The following ROBO1 variants were observed in gnomAD, a reference collection of about 807,000 sequenced individuals.
The protein encoded by ROBO1 is roundabout guidance receptor 1.
In ROBO1, 149 loss-of-function variants were observed where a neutral mutation model predicts 195.9. That is an observed-to-expected ratio of 0.76 (90% CI 0.67 to 0.87). The LOEUF (loss-of-function observed/expected upper bound fraction) is 0.87, where lower values mean the gene tolerates loss of function less well. Among genes scored for constraint, ROBO1 ranks in the 40% least tolerant of loss-of-function variants. The pLI, the probability that ROBO1 is intolerant of heterozygous loss-of-function variation, is 0.00. For synonymous variants in ROBO1, 816 were observed against 733.2 expected (o/e 1.11, Z -1.82); for missense variants, 1,933 against 2,068.3 (o/e 0.93, Z 1.27).
intron 3 of ROBO1, among the ~76,000 whole-genome samples, chr3:79,085,242 G>T (rs2079346224): frequency 6.6e-6 from 1 of 152,090 alleles, no homozygotes; most frequent in Admixed American, 6.5e-5. Context: ...TAATTTGAGG[G>T]CTTAGAATTA....
intron 2 of ROBO1, among the ~76,000 whole-genome samples, chr3:79,472,906 C>A (rs1938358252): frequency 6.6e-6 from 1 of 151,942 alleles, no homozygotes; most frequent in South Asian, 2.1e-4. Flanking sequence ...GAAAGAGGAG[C>A]TTTTAAACTA....
intron 3 of ROBO1, among the ~76,000 whole-genome samples, chr3:79,040,349 T>C (rs961146590): frequency 6.6e-6 from 1 of 152,210 alleles, no homozygotes; most frequent in African/African-American, 2.4e-5. Flanking sequence ...TCATATAATT[T>C]CATAAGTCTA....
intron 4 of ROBO1, among the ~76,000 whole-genome samples, chr3:78,768,748 C>G (rs541471778): frequency 3.3e-5 from 5 of 151,640 alleles, no homozygotes; most frequent in Admixed American, 1.3e-4. Flanking sequence ...TGCGCTGGTG[C>G]GCTGCACCCA....
intron 2 of ROBO1, among the ~76,000 whole-genome samples, chr3:79,186,857 A>T (rs2081449126): frequency 6.6e-6 from 1 of 152,124 alleles, no homozygotes; most frequent in African/African-American, 2.4e-5. Context: ...CGCATAGGAA[A>T]TGTTGAGATT....
chr3:78,965,712 T>C (rs1045155655), intron 3 of ROBO1, among the ~76,000 whole-genome samples: 2 of 152,282 alleles, frequency 1.3e-5, no homozygotes, highest in South Asian at 4.1e-4. Flanking sequence ...TGCTTCTACA[T>C]AAAACAGTAG....
chr3:79,143,200 G>A lies in ROBO1; in HGVS notation c.89-17661C>T, dbSNP rs1044843540. On this transcript the variant is annotated intron_variant, in intron 2 of 30. Transcript: ENST00000464233. The stretch of plus-strand genomic sequence containing the variant: ...ATGTTAAACCTTTATTTTTGGAATG[G>A]CTATTTGGGTGCTTAAATATGATTC... Among the ~76,000 whole-genome samples the A allele has an allele frequency of 3.9e-5, 6 of 151,954 alleles. No individual in the cohort carries two copies. In the East Asian group the frequency reaches 1.2e-3, roughly 29 times the overall value.
At chr3:79,056,290 C>T (rs1323364040) in intron 3 of ROBO1, among the ~76,000 whole-genome samples, 2 of 152,110 alleles carry the variant, frequency 1.3e-5, no homozygotes. Context: ...TGGACAAGTG[C>T]TTTCACCAGT....
chr3:79,460,482 A>T (rs1357144456), intron 2 of ROBO1, among the ~76,000 whole-genome samples: 1 of 152,244 alleles, frequency 6.6e-6, no homozygotes, highest in African/African-American at 2.4e-5. Context: ...GAAAATAGCC[A>T]CAGTGAGGAA....
chr3:79,255,906 A>G (rs1184565700), intron 2 of ROBO1, among the ~76,000 whole-genome samples: 2 of 152,136 alleles, frequency 1.3e-5, no homozygotes, highest in African/African-American at 4.8e-5. Context: ...TCATCTCCTC[A>G]GCAAAGAGCT....
At chr3:79,713,296 C>T (rs1212522183) in intron 1 of ROBO1, among the ~76,000 whole-genome samples, 2 of 152,178 alleles carry the variant, frequency 1.3e-5, no homozygotes, top group African/African-American at 2.4e-5. Context: ...TTGAGAGATA[C>T]ACTTCATAGG....
intron 3 of ROBO1, among the ~76,000 whole-genome samples, chr3:79,123,002 G>A (rs2080148748): frequency 6.6e-6 from 1 of 151,960 alleles, no homozygotes; most frequent in African/African-American, 2.4e-5. Flanking sequence ...TGTAAATATA[G>A]ATGCCACAAA....
Position 79,247,758 on chromosome 3 carries a change from G to A in ROBO1, c.89-122219C>T, listed in dbSNP as rs891390665. 2.0e-5 allele frequency among the ~76,000 whole-genome samples: 3 copies of A among 152,094 alleles called. No homozygotes were observed. In the East Asian group the frequency reaches 5.8e-4, roughly 29 times the overall value. On this transcript the variant is annotated intron_variant, in intron 2 of 30. Transcript: ENST00000464233. ...CTGAGCTGTAAGACATACTCCTCAAGTAATATGCCATGGCATAGAATCAAT... is the reference window on the plus strand; with the variant it reads ...CTGAGCTGTAAGACATACTCCTCAAATAATATGCCATGGCATAGAATCAAT...
At chr3:79,471,788 A>T (rs113395667) in intron 2 of ROBO1, among the ~76,000 whole-genome samples, 20,441 of 152,008 alleles carry the variant, frequency 0.13, 1,784 homozygotes, top group African/African-American at 0.25. Context: ...CTTTGCAGGG[A>T]CATGGATGAA....
chr3:79,511,417 T>C (rs1940698710), intron 2 of ROBO1, among the ~76,000 whole-genome samples: 1 of 152,200 alleles, frequency 6.6e-6, no homozygotes, highest in African/African-American at 2.4e-5. Context: ...CTACTTACTT[T>C]CTACTATTCT....
At chr3:78,914,087 T>C (rs192067824) in intron 4 of ROBO1, among the ~76,000 whole-genome samples, 55 of 152,286 alleles carry the variant, frequency 3.6e-4, no homozygotes, top group Non-Finnish European at 6.8e-4. Flanking sequence ...GAATCTCCCA[T>C]ATGGCTAAAA....
At chr3:79,473,224 G>A (rs1938378153) in intron 2 of ROBO1, among the ~76,000 whole-genome samples, 1 of 152,072 alleles carries the variant, frequency 6.6e-6, no homozygotes, top group African/African-American at 2.4e-5. Flanking sequence ...ACAGGCATGT[G>A]ACAGATACAG....
In ROBO1 at chr3:78,670,212, C is replaced by A; in HGVS notation, c.1432G>T (p.Ala478Ser). 1.2e-6 allele frequency: 2 copies of A among 1,609,632 alleles called. No individual in the cohort carries two copies. Among genetic ancestry groups the A allele is most frequent in the South Asian group, 2.2e-5 (2 of 90,302 alleles). The change falls in exon 11 of 31, where the codon GCC becomes TCC. Residue 478 changes from alanine to serine, a missense_variant. Transcript: ENST00000464233. ...VDGTFVLSCV[A>S]TGSPVPTILW... ...ATGGTGGGCACTGGACTGCCTGTGG[C>A]CACACAGCTGAGGACGAAAGTGCCA...
chr3:79,767,688 C>G (rs983607663), intron 1 of ROBO1, 64 bp downstream of exon 1: 5 of 152,214 alleles, frequency 3.3e-5, no homozygotes. Flanking sequence ...TAAAACCCAG[C>G]GTGTCCCCTT....
chr3:79,007,126 A>C (rs1308589991), intron 3 of ROBO1, among the ~76,000 whole-genome samples: 1 of 152,138 alleles, frequency 6.6e-6, no homozygotes, highest in Admixed American at 6.5e-5. Flanking sequence ...CAAATAAGAA[A>C]AATTTAAAAA....
Sources: gnomAD v4.1 joint callset for allele counts (sites outside exome capture counted in the v4.1 genomes callset) on GRCh38, gnomAD v4.1.1 for gene constraint, MANE v1.5 for transcripts, NCBI Gene and HGNC (gene_info 2026-07-23, HGNC 2026-07-21) for gene names.